The following LYST variants were observed in gnomAD, a reference collection of about 807,000 sequenced individuals.
LYST encodes the protein lysosomal-trafficking regulator.
Under a neutral mutation model 413.6 loss-of-function variants are expected in LYST, and 192 were observed. That is an observed-to-expected ratio of 0.46 (90% confidence interval 0.41 to 0.52). The LOEUF (loss-of-function observed/expected upper bound fraction) is 0.52. LYST is among the 20% of genes least tolerant of loss of function. The pLI is 0.00. For missense variants in LYST, 3,815 were observed against 4,499.9 expected, an observed-to-expected ratio of 0.85 and a Z score of 4.35; for synonymous variants, 1,525 against 1,567.3, an observed-to-expected ratio of 0.97 and a Z score of 0.64.
At chr1:235,867,222 C>T (rs752236001), upstream of LYST, among the ~76,000 whole-genome samples, 1 of 152,228 alleles carries the variant, frequency 6.6e-6, no homozygotes, top group Non-Finnish European at 1.5e-5. Context: ...TCCCAGGGCT[C>T]TGCGTAGTGG....
At chr1:235,782,178 T>G in intron 14 of LYST, 91 bp from the exon 15 acceptor site, 1 of 1,157,156 alleles carries the variant, frequency 8.6e-7, no homozygotes. Context: ...CAATGGGGAA[T>G]TCTTTTTTTT....
chr1:235,713,075 C>T (rs1175264064), intron 42 of LYST: 1 of 985,256 alleles, frequency 1.0e-6, no homozygotes, highest in African/African-American at 1.7e-5. Flanking sequence ...GGTTTCTTCT[C>T]CCAGCCTTAG....
chr1:235,742,966 CTAT>C (rs1403182305), intron 30 of LYST, among the ~76,000 whole-genome samples: 2 of 152,008 alleles, frequency 1.3e-5, no homozygotes, highest in Non-Finnish European at 2.9e-5. Flanking sequence ...TCTTGTTTTA[CTAT>C]TATTGTTAAT....
At chr1:235,807,865 C>A (rs1222342245) in intron 5 of LYST, among the ~76,000 whole-genome samples, 2 of 151,972 alleles carry the variant, frequency 1.3e-5, no homozygotes, top group Non-Finnish European at 2.9e-5. Flanking sequence ...AATTAATAAT[C>A]CCATTAGTGC....
At chr1:235,719,454 C>T (rs1287100671) in intron 40 of LYST, among the ~76,000 whole-genome samples, 2 of 151,918 alleles carry the variant, frequency 1.3e-5, no homozygotes, top group Admixed American at 1.3e-4. Context: ...CATTTTGCAA[C>T]CTCTAGTGAA....
rs1203690432 is a variant in LYST, at chr1:235,762,759, C to G, written c.6214G>C (p.Val2072Leu). Residue 2072 changes from valine to leucine, a missense_variant, in exon 22 of 53, where the codon GTA becomes CTA. Coordinates refer to ENST00000389793, the MANE Select transcript of LYST (RefSeq NM_000081.4). ...GRSLMSPGFM[V>L]ISPSGFTASP... The stretch of plus-strand genomic sequence containing the variant: ...GCAGTAAAACCAGATGGGCTTATTA[C>G]CATAAATCCAGGGCTCATAAGGGAC... 6.2e-7 allele frequency: 1 copy of G among 1,613,116 alleles called. No individual in the cohort carries two copies. Among genetic ancestry groups the G allele is most frequent in the Non-Finnish European group, 8.5e-7 (1 of 1,179,378 alleles).
chr1:235,806,070 C>T lies in LYST; in HGVS notation c.3066G>A (p.Gln1022=), dbSNP rs914474822. Residue 1022 remains glutamine, a synonymous_variant, in exon 6 of 53, where the codon CAG becomes CAA. Transcript: ENST00000389793. ...TAGGTTGAGAAATTCTGTTTAAATC[C>T]TGGTTTTCATTTACACTTGTATCTC... The part of the protein sequence containing the change: ...KEGDTSVNEN[Q]DLNRISQPKR... The T allele has an allele frequency of 6.2e-7, 1 of 1,613,644 alleles. No homozygotes were observed. The highest frequency in any genetic ancestry group is 1.3e-5 in the African/African-American group (1 of 74,980).
intron 22 of LYST, 121 bp from the exon 23 acceptor site, chr1:235,759,720 T>G: frequency 2.7e-6 from 2 of 727,916 alleles, no homozygotes; most frequent in South Asian, 1.6e-5. Flanking sequence ...AAAATCCATA[T>G]AGGTTAATTT....
Position 235,663,886 on chromosome 1 carries a change from A to G in LYST, c.11267+98T>C, listed in dbSNP as rs181924270. ...TGGTTGGCTTTTCATGATGACTTCA[A>G]TTGCACATTTCTTTAAGTCTGTGTG... is the stretch of plus-strand genomic sequence containing the variant. On this transcript the variant is annotated intron_variant, in intron 52 of 52. Transcript: ENST00000389793. 702 of 1,067,366 alleles carry G rather than the reference A, an allele frequency of 6.6e-4. 5 individuals are homozygous for G. In the African/African-American group the frequency reaches 9.9e-3, roughly 15 times the overall value. 66.1% of individuals were successfully genotyped at this position (1,067,366 alleles called of 1,614,324 possible).
At chr1:235,814,152 G>A (rs183802370) in intron 3 of LYST, among the ~76,000 whole-genome samples, 42 of 152,264 alleles carry the variant, frequency 2.8e-4, no homozygotes, top group African/African-American at 8.4e-4. Flanking sequence ...CATCTAGGTA[G>A]CTGATAATGT....
rs573116970 is a variant in LYST at position 235,875,143 on chromosome 1, C to T, written n.454+8044G>A. Among the ~76,000 whole-genome samples, 7 of 152,232 alleles carry T rather than the reference C, an allele frequency of 4.6e-5. No individual in the cohort carries two copies. The East Asian group carries it at 9.6e-4, about 21-fold the overall frequency. On this transcript the variant is annotated intron_variant and non_coding_transcript_variant, in intron 1 of 11. Coordinates refer to the LYST transcript ENST00000465349. The stretch of plus-strand genomic sequence containing the variant: ...GTATAAAGACTGGTGGGAAAGATCA[C>T]GGTGGTTTGAAGATCTTTTCCAAAG...
At chr1:235,856,025 G>C (rs1679136846) in intron 1 of LYST, among the ~76,000 whole-genome samples, 2 of 152,098 alleles carry the variant, frequency 1.3e-5, no homozygotes, top group Admixed American at 1.3e-4. Context: ...TAGGGGAGCA[G>C]AGCACAGAAC....
In LYST at chr1:235,792,133, A is replaced by G. The variant is rs758953262; in HGVS notation, c.4117-8T>C. 6.4e-7 allele frequency: 1 copy of G among 1,566,226 alleles called. No individual in the cohort carries two copies. Among genetic ancestry groups the G allele is most frequent in the Admixed American group, 1.7e-5 (1 of 59,660 alleles). ...ACCCAGAAGAAGAATTTTCTAGAGAAAAAGAAAAACAAATGAAACTTTCTA... is the reference window on the plus strand; with the variant it reads ...ACCCAGAAGAAGAATTTTCTAGAGAGAAAGAAAAACAAATGAAACTTTCTA... On this transcript the variant is annotated splice_region_variant and splice_polypyrimidine_tract_variant and intron_variant, in intron 11 of 52. Transcript: ENST00000389793.
intron 5 of LYST, among the ~76,000 whole-genome samples, chr1:235,807,341 GCT>G (rs1380544454): frequency 4.6e-5 from 7 of 152,032 alleles, no homozygotes; most frequent in Admixed American, 6.6e-5. Context: ...AAGTTTTTCA[GCT>G]CTGTCTCAGG....
At chr1:235,758,908 G>GTC in intron 23 of LYST, 64 bp downstream of exon 23, 4 of 1,478,134 alleles carry the variant, frequency 2.7e-6, no homozygotes, top group Non-Finnish European at 2.8e-6. Flanking sequence ...TTTCCAGAGG[G>GTC]GTAGAGAGTC....
Position 235,773,840 on chromosome 1 carries a change from G to T in LYST, c.5784+2C>A. 1 of 1,610,142 alleles carries T rather than the reference G, an allele frequency of 6.2e-7. No individual in the cohort carries two copies. The highest frequency in any genetic ancestry group is 8.5e-7 in the Non-Finnish European group (1 of 1,176,724). ...AATGGAAAAAAAGTACATATTACAT[G>T]CCTCTGCTTTACTCCATATCTTCCA... On this transcript the variant is annotated splice_donor_variant, in intron 19 of 52. Coordinates refer to ENST00000389793, the MANE Select transcript of LYST (RefSeq NM_000081.4). LOFTEE classifies it high-confidence loss of function.
Position 235,661,975 on chromosome 1 carries a change from T to C in LYST, c.*965A>G, listed in dbSNP as rs1658082732. ...AAATGGTTTCCTAAAAGAATTATTC[T>C]GCCTCCTGTTTAAAGTAAGCTTTTA... On this transcript the variant is annotated 3_prime_UTR_variant, in exon 53 of 53. Transcript: ENST00000389793. The C allele has an allele frequency of 6.6e-6, 1 of 152,266 alleles. No homozygotes were observed. The highest frequency in any genetic ancestry group is 1.5e-5 in the Non-Finnish European group (1 of 68,042). 9.4% of individuals were successfully genotyped at this position (152,266 alleles called of 1,614,324 possible).
At chr1:235,725,497 T>C (rs1170987851) in intron 38 of LYST, among the ~76,000 whole-genome samples, 2 of 152,264 alleles carry the variant, frequency 1.3e-5, no homozygotes, top group South Asian at 2.1e-4. Context: ...CTTGTCTCTT[T>C]TGGCCTGGAG....
In LYST at chr1:235,731,556, A is replaced by ATT. The variant is rs61633038; in HGVS notation, c.8802-381_8802-380dup. 6.8e-3 allele frequency among the ~76,000 whole-genome samples: 823 copies of ATT among 121,432 alleles called. 17 individuals are homozygous for ATT. Among genetic ancestry groups the ATT allele is most frequent in the East Asian group, 0.027 (120 of 4,512 alleles). 79.7% of individuals were successfully genotyped at this position (121,432 alleles called of 152,430 possible). A position where few individuals can be genotyped will look rare whatever the true frequency, so the allele number is the denominator to read the frequency against. On this transcript the variant is annotated intron_variant, in intron 34 of 52. Transcript: ENST00000389793. ...TAATTTTTTACATTTCCCATTTTGC[A>ATT]TTTTTTTTTTTTTTTTTTTTGAGAC...
Sources: allele counts gnomAD v4.1 joint callset (sites outside exome capture counted in the v4.1 genomes callset), GRCh38; gene constraint gnomAD v4.1.1; transcripts MANE v1.5; gene names NCBI Gene and HGNC (gene_info 2026-07-23, HGNC 2026-07-21).